Variants in CACNA1B observed in about 807,000 individuals in gnomAD.
CACNA1B encodes calcium voltage-gated channel subunit alpha1 B.
A neutral mutation model predicts 247.2 loss-of-function variants in CACNA1B; 70 were observed. The ratio of observed to expected loss-of-function variants is 0.28; its 90% confidence interval spans 0.23 to 0.35. The LOEUF is 0.35. Ranked by LOEUF, CACNA1B falls within the 10% of genes least tolerant of loss-of-function variation. The pLI is 1.00. For missense variants in CACNA1B, 2,367 were observed against 3,197.4 expected, an observed-to-expected ratio of 0.74 and a Z score of 6.26; for synonymous variants, 1,231 against 1,294.4, an observed-to-expected ratio of 0.95 and a Z score of 1.05.
chr9:137,952,124 T>G lies in CACNA1B; in HGVS notation c.967-150T>G, dbSNP rs1957884108. 1 of 647,904 alleles carries G rather than the reference T, an allele frequency of 1.5e-6. No homozygotes were observed. The highest frequency in any genetic ancestry group is 2.2e-5 in the Admixed American group (1 of 45,780). 40.1% of individuals were successfully genotyped at this position (647,904 alleles called of 1,614,324 possible). A position where few individuals can be genotyped will look rare whatever the true frequency, so the allele number is the denominator to read the frequency against. Reference sequence around the variant, plus strand: ...TGCTGCCTGGACTCCAGCCCCATGCTTGGACCTCCCTGTGACTGGCCTCCC... The same window carrying G: ...TGCTGCCTGGACTCCAGCCCCATGCGTGGACCTCCCTGTGACTGGCCTCCC... On this transcript the variant is annotated intron_variant, in intron 6 of 46. Coordinates refer to ENST00000371372, the MANE Select transcript of CACNA1B (RefSeq NM_000718.4). This position sits in a 1 kb window ranked among gnomAD's most constrained non-coding sequence, Gnocchi z 4.8.
intron 6 of CACNA1B, among the ~76,000 whole-genome samples, chr9:137,925,828 C>T (rs1385579651): frequency 1.3e-5 from 2 of 151,424 alleles, no homozygotes; most frequent in African/African-American, 2.4e-5. Context: ...CTGCAAGCTC[C>T]CCCTCCCAGG....
In CACNA1B at chr9:138,118,094, G is replaced by A. The variant is rs201136060; in HGVS notation, c.5913+13G>A. The A allele has an allele frequency of 6.6e-5, 102 of 1,539,312 alleles. No individual in the cohort carries two copies. Among genetic ancestry groups the A allele is most frequent in the Non-Finnish European group, 8.2e-5 (93 of 1,138,800 alleles). ...GTCAGGAGCACTGGTGAGCACTCCC[G>A]GGGGCTAGTGAGACTGGGTTGGGGG... On this transcript the variant is annotated intron_variant, in intron 43 of 46. Coordinates refer to ENST00000371372, the MANE Select transcript of CACNA1B (RefSeq NM_000718.4).
chr9:137,986,306 G>A lies in CACNA1B; in HGVS notation c.1770-107G>A. 1 of 1,247,816 alleles carries A rather than the reference G, an allele frequency of 8.0e-7. No homozygotes were observed. Among genetic ancestry groups the A allele is most frequent in the Non-Finnish European group, 1.1e-6 (1 of 889,226 alleles). The allele number at this position is 1,247,816 out of a possible 1,614,324, so 77.3% of individuals were successfully genotyped here. On this transcript the variant is annotated intron_variant, in intron 13 of 46. Coordinates refer to ENST00000371372, the MANE Select transcript of CACNA1B (RefSeq NM_000718.4). This position sits in a 1 kb window ranked among gnomAD's most constrained non-coding sequence, Gnocchi z 6.0. Reference sequence around the variant, plus strand: ...CTCTAACTTCACACCTAGGTGTGCAGCCCTCAGGGTTTAGAAAGTCAGTGG... The same window carrying A: ...CTCTAACTTCACACCTAGGTGTGCAACCCTCAGGGTTTAGAAAGTCAGTGG...
intron 37 of CACNA1B, among the ~76,000 whole-genome samples, chr9:138,097,804 C>G (rs1174828808): frequency 2.0e-5 from 3 of 152,238 alleles, no homozygotes; most frequent in Non-Finnish European, 4.4e-5. Context: ...CACAGAGCTC[C>G]TGGGTTCTGC....
rs113242172 is a variant in CACNA1B at position 137,990,244 on chromosome 9, A to T, written c.1974+3390A>T. The stretch of plus-strand genomic sequence containing the variant: ...ACTAATGGCCTTAATCCTCCTGGGA[A>T]CATAACTCCATTGGACTGAGAACCA... On this transcript the variant is annotated intron_variant, in intron 15 of 46. Coordinates refer to ENST00000371372, the MANE Select transcript of CACNA1B (RefSeq NM_000718.4). This position sits in a 1 kb window ranked among gnomAD's most constrained non-coding sequence, Gnocchi z 4.5. Among the ~76,000 whole-genome samples the T allele has an allele frequency of 0.011, 1,679 of 152,160 alleles. 10 individuals carry two copies. The highest frequency in any genetic ancestry group is 0.014 in the African/African-American group (588 of 41,502).
chr9:137,968,648 G>A (rs567642867), intron 10 of CACNA1B, among the ~76,000 whole-genome samples: 34 of 152,226 alleles, frequency 2.2e-4, no homozygotes, highest in Non-Finnish European at 4.6e-4. Context: ...TGAGAACAGG[G>A]ATGGATGTTG....
chr9:138,029,290 A>G (rs1387037263), intron 20 of CACNA1B, among the ~76,000 whole-genome samples: 1 of 152,238 alleles, frequency 6.6e-6, no homozygotes, highest in African/African-American at 2.4e-5. Flanking sequence ...AGGGTAGCTC[A>G]TGTAGTATAG....
intron 32 of CACNA1B, among the ~76,000 whole-genome samples, chr9:138,070,564 T>C (rs954614864): frequency 1.3e-5 from 2 of 152,252 alleles, no homozygotes; most frequent in Admixed American, 6.5e-5. Flanking sequence ...GAAATTAATA[T>C]AAAGTAGAAG....
intron 15 of CACNA1B, among the ~76,000 whole-genome samples, chr9:137,987,587 C>G (rs1191763845): frequency 6.6e-6 from 1 of 152,220 alleles, no homozygotes; most frequent in Non-Finnish European, 1.5e-5. Context: ...GCTGTGTTTG[C>G]TGCAGGCCAG....
At position 138,124,327 on chromosome 9, in the gene CACNA1B, T is replaced by G. The variant is rs1045683613; in HGVS notation, c.*2328T>G. 1 of 152,296 alleles carries G rather than the reference T, an allele frequency of 6.6e-6. No homozygotes were observed. Among genetic ancestry groups the G allele is most frequent in the Middle Eastern group, 3.4e-3 (1 of 294 alleles). 9.4% of individuals were successfully genotyped at this position (152,296 alleles called of 1,614,324 possible). A position where few individuals can be genotyped will look rare whatever the true frequency, so the allele number is the denominator to read the frequency against. On this transcript the variant is annotated 3_prime_UTR_variant, in exon 47 of 47. Transcript: ENST00000371372. ...AAGTATGTGCATGATAATGTATATCTTCGTACTTTTTGATACAATGTATTC... is the reference window on the plus strand; with the variant it reads ...AAGTATGTGCATGATAATGTATATCGTCGTACTTTTTGATACAATGTATTC...
At chr9:138,013,329 C>T (rs924238344) in intron 18 of CACNA1B, 94 bp downstream of exon 18, 1 of 832,112 alleles carries the variant, frequency 1.2e-6, no homozygotes, top group Non-Finnish European at 1.9e-6. Context: ...CCAGAGGCTT[C>T]CTCAGAGGGC....
chr9:138,104,483 GT>G (rs1736715739), intron 38 of CACNA1B, among the ~76,000 whole-genome samples: 2 of 152,256 alleles, frequency 1.3e-5, no homozygotes, highest in Admixed American at 1.3e-4. Flanking sequence ...GTTTACTCCT[GT>G]TGTGCTGCAC....
intron 12 of CACNA1B, among the ~76,000 whole-genome samples, chr9:137,981,195 A>G (rs1318823859): frequency 1.3e-5 from 2 of 152,106 alleles, no homozygotes; most frequent in Non-Finnish European, 2.9e-5. Context: ...CTGGCGTGAG[A>G]TGATATCTCA....
intron 2 of CACNA1B, among the ~76,000 whole-genome samples, chr9:137,879,525 A>G (rs1956887797): frequency 6.6e-6 from 1 of 152,110 alleles, no homozygotes; most frequent in Non-Finnish European, 1.5e-5. Flanking sequence ...TCTGAATGCC[A>G]TGTGTGCCCT....
chr9:138,006,683 C>A, intron 15 of CACNA1B, 84 bp from the exon 16 acceptor site: 1 of 754,488 alleles, frequency 1.3e-6, no homozygotes, highest in Non-Finnish European at 2.4e-6. Context: ...CGTGGCGGTG[C>A]ACATGCACTC....
chr9:138,099,600 ACGTGCCTGTGGTGTACT>A (rs1314851242), intron 37 of CACNA1B, among the ~76,000 whole-genome samples: 2 of 143,032 alleles, frequency 1.4e-5, no homozygotes, highest in Non-Finnish European at 3.0e-5. Context: ...GTGGGTGTGC[ACGTGCCTGTGGTGTACT>A]CGTGCCTGTG....
Position 137,955,899 on chromosome 9 carries a change from C to T in CACNA1B, c.1186+86C>T. 2 of 899,298 alleles carry T rather than the reference C, an allele frequency of 2.2e-6. No homozygotes were observed. The highest frequency in any genetic ancestry group is 2.6e-5 in the East Asian group (1 of 37,844). 55.7% of individuals were successfully genotyped at this position (899,298 alleles called of 1,614,324 possible). A position where few individuals can be genotyped will look rare whatever the true frequency, so the allele number is the denominator to read the frequency against. The stretch of plus-strand genomic sequence containing the variant: ...TTCTGCTCTGCTGCCAGCTGGGGTG[C>T]CCTGGCTGCTGGGTAGAGCCTGAAG... On this transcript the variant is annotated intron_variant, in intron 8 of 46. Transcript: ENST00000371372. This position sits in a 1 kb window ranked among gnomAD's most constrained non-coding sequence, Gnocchi z 6.9.
Position 137,914,815 on chromosome 9 carries a change from A to G in CACNA1B, c.775+9A>G, listed in dbSNP as rs760088580. The G allele has an allele frequency of 6.2e-7, 1 of 1,613,638 alleles. No homozygotes were observed. Among genetic ancestry groups the G allele is most frequent in the African/African-American group, 1.3e-5 (1 of 74,942 alleles). The stretch of plus-strand genomic sequence containing the variant: ...TTTCCCCAACAGCACAGGTGAGGCC[A>G]GGCAGCACCCTCCAGCACAGGCAAG... On this transcript the variant is annotated intron_variant, in intron 5 of 46. Transcript: ENST00000371372. This position sits in a 1 kb window ranked among gnomAD's most constrained non-coding sequence, Gnocchi z 4.3.
At chr9:137,970,952 G>A (rs1209785043) in intron 10 of CACNA1B, among the ~76,000 whole-genome samples, 8 of 152,196 alleles carry the variant, frequency 5.3e-5, no homozygotes, top group Admixed American at 4.6e-4. Flanking sequence ...CCCTGAGTCC[G>A]GAGGGCGAGA....
Sources: gnomAD v4.1 joint callset for allele counts (sites outside exome capture counted in the v4.1 genomes callset) on GRCh38, gnomAD v4.1.1 for gene constraint, Gnocchi (gnomAD v3.1) non-coding constraint, MANE v1.5 for transcripts, NCBI Gene and HGNC (gene_info 2026-07-23, HGNC 2026-07-21) for gene names.